Variants in SLC25A13 observed in about 807,000 individuals in gnomAD.
SLC25A13 encodes the protein electrogenic aspartate/glutamate antiporter SLC25A13, mitochondrial.
SLC25A13 carries 70 observed loss-of-function variants against 85.5 expected under a neutral mutation model. The ratio of observed to expected loss-of-function variants is 0.82; its 90% CI spans 0.68 to 1.00. The LOEUF (loss-of-function observed/expected upper bound fraction) is 1.00, where lower values mean the gene tolerates loss of function less well. Ranked by LOEUF, SLC25A13 falls within the 50% of genes least tolerant of loss-of-function variation. SLC25A13 has a pLI of 0.00. For missense variants in SLC25A13, 765 were observed against 819.8 expected (o/e 0.93, Z 0.82); for synonymous variants, 259 against 288.7 (o/e 0.90, Z 1.04).
At chr7:96,316,175 G>A (rs947296881) in intron 1 of SLC25A13, among the ~76,000 whole-genome samples, 1 of 151,974 alleles carries the variant, frequency 6.6e-6, no homozygotes, top group Non-Finnish European at 1.5e-5. Context: ...CTGGATTAAA[G>A]GTATATGACA....
At chr7:96,155,778 T>C (rs764961736) in intron 13 of SLC25A13, among the ~76,000 whole-genome samples, 2 of 152,214 alleles carry the variant, frequency 1.3e-5, no homozygotes, top group East Asian at 1.9e-4. Flanking sequence ...ACTTCTGATG[T>C]AGGAGGCACT....
chr7:96,262,563 AAGTGTGGGTATG>A, intron 3 of SLC25A13, among the ~76,000 whole-genome samples: 1 of 152,084 alleles, frequency 6.6e-6, no homozygotes, highest in South Asian at 2.1e-4. Flanking sequence ...AGTTTTTCAT[AAGTGTGGGTATG>A]GGTGACGAAG....
At chr7:96,130,660 C>T (rs1028870040) in intron 15 of SLC25A13, among the ~76,000 whole-genome samples, 1 of 152,118 alleles carries the variant, frequency 6.6e-6, no homozygotes, top group African/African-American at 2.4e-5. Flanking sequence ...ATATAGGCCA[C>T]CATGAGTCAA....
chr7:96,234,157 C>T (rs1471215633), intron 4 of SLC25A13, among the ~76,000 whole-genome samples: 1 of 152,260 alleles, frequency 6.6e-6, no homozygotes, highest in Non-Finnish European at 1.5e-5. Flanking sequence ...TGTCCCACCA[C>T]TTCCAAGCCT....
intron 1 of SLC25A13, among the ~76,000 whole-genome samples, chr7:96,297,643 T>C (rs933845096): frequency 2.0e-5 from 3 of 152,124 alleles, no homozygotes; most frequent in Admixed American, 1.3e-4. Context: ...CAAGAGAACA[T>C]ATTTCTTAAA....
chr7:96,235,229 A>G (rs962887023), intron 3 of SLC25A13, among the ~76,000 whole-genome samples: 1 of 152,200 alleles, frequency 6.6e-6, no homozygotes, highest in Admixed American at 6.5e-5. Flanking sequence ...GTTCTATAAT[A>G]AAAGTGCAGA....
chr7:96,215,517 T>C (rs994186160), intron 4 of SLC25A13, among the ~76,000 whole-genome samples: 24 of 152,156 alleles, frequency 1.6e-4, no homozygotes, highest in African/African-American at 5.1e-4. Flanking sequence ...CTCACATTTA[T>C]AGTCAATTGA....
intron 4 of SLC25A13, among the ~76,000 whole-genome samples, chr7:96,232,656 A>C (rs2116807667): frequency 6.6e-6 from 1 of 151,742 alleles, no homozygotes; most frequent in Admixed American, 6.5e-5. Context: ...ATGAAAAAAA[A>C]AAAAAAAAAC....
At position 96,146,198 on chromosome 7, in the gene SLC25A13, G is replaced by A. The variant is rs945400586; in HGVS notation, c.1452+358C>T. 2.6e-5 allele frequency among the ~76,000 whole-genome samples: 4 copies of A among 152,144 alleles called. No individual in the cohort carries two copies. In the South Asian group the frequency reaches 8.3e-4, roughly 32 times the overall value. ...AAACATGGATCGGACCATATGCATA[G>A]GATCAGAAAATAAATTATGATACAG... On this transcript the variant is annotated intron_variant, in intron 14 of 17. Transcript: ENST00000265631.
intron 13 of SLC25A13, among the ~76,000 whole-genome samples, chr7:96,163,762 A>C (rs879940587): frequency 4.6e-5 from 7 of 152,208 alleles, no homozygotes; most frequent in Non-Finnish European, 1.0e-4. Flanking sequence ...AGGTTCACAA[A>C]GAAGACCAGA....
At chr7:96,179,760 T>G (rs1794350004) in intron 11 of SLC25A13, among the ~76,000 whole-genome samples, 1 of 152,202 alleles carries the variant, frequency 6.6e-6, no homozygotes. Context: ...TGGACATGAG[T>G]GCAGTTCACA....
chr7:96,310,624 C>T (rs1332733873), intron 1 of SLC25A13, among the ~76,000 whole-genome samples: 2 of 152,196 alleles, frequency 1.3e-5, no homozygotes, highest in Non-Finnish European at 2.9e-5. Flanking sequence ...CTTCAGCATC[C>T]AATGATGATC....
chr7:96,169,260 C>T (rs933915585), intron 13 of SLC25A13, among the ~76,000 whole-genome samples: 2 of 152,118 alleles, frequency 1.3e-5, no homozygotes, highest in African/African-American at 4.8e-5. Flanking sequence ...CTACTTCCTG[C>T]CCAGAGTAAG....
At chr7:96,275,747 G>A (rs970377903) in intron 3 of SLC25A13, among the ~76,000 whole-genome samples, 8 of 152,022 alleles carry the variant, frequency 5.3e-5, no homozygotes, top group African/African-American at 1.9e-4. Flanking sequence ...GGGGTCGGGG[G>A]AGTGGGGAGG....
rs56882933 is a variant in SLC25A13 at position 96,223,789 on chromosome 7, GAA to G, written c.328+11011_328+11012del. ...GGCAACAGAGCGAGACTCCATCTCT[GAA>G]AAAAAAAAAAAAAAAAAAAAAAAAG... is the stretch of plus-strand genomic sequence containing the variant. On this transcript the variant is annotated intron_variant, in intron 4 of 17. Coordinates refer to ENST00000265631, the MANE Select transcript of SLC25A13 (RefSeq NM_014251.3). 2.1e-3 allele frequency among the ~76,000 whole-genome samples: 199 copies of G among 94,132 alleles called. 2 individuals are homozygous for G. Among genetic ancestry groups the G allele is most frequent in the African/African-American group, 4.2e-3 (106 of 25,362 alleles). 61.8% of individuals were successfully genotyped at this position (94,132 alleles called of 152,430 possible).
chr7:96,291,540 T>TA (rs1355602673), intron 2 of SLC25A13, among the ~76,000 whole-genome samples: 9 of 151,080 alleles, frequency 6.0e-5, no homozygotes, highest in African/African-American at 2.2e-4. Flanking sequence ...GCAAGACTAA[T>TA]AAAGAAGAAA....
At chr7:96,286,651 A>G (rs1798898728) in intron 2 of SLC25A13, among the ~76,000 whole-genome samples, 1 of 152,168 alleles carries the variant, frequency 6.6e-6, no homozygotes, top group Non-Finnish European at 1.5e-5. Flanking sequence ...GGTTTTTTAC[A>G]CTTACACACA....
At position 96,305,797 on chromosome 7, in the gene SLC25A13, GA is replaced by G. The variant is rs537150176; in HGVS notation, c.16-8847del. 7.7e-4 allele frequency among the ~76,000 whole-genome samples: 118 copies of G among 152,262 alleles called. 1 individual carries two copies. Among genetic ancestry groups the G allele is most frequent in the Non-Finnish European group, 1.3e-3 (90 of 68,012 alleles). ...AGGAAGAGGAAGCCAAAAATGAAAG[GA>G]CAATAAAGAAGTTGCTTCCATTAAA... On this transcript the variant is annotated intron_variant, in intron 1 of 17. Transcript: ENST00000265631.
chr7:96,187,211 T>A lies in SLC25A13; in HGVS notation c.933+2083A>T, dbSNP rs1794674582. On this transcript the variant is annotated intron_variant, in intron 9 of 17. Transcript: ENST00000265631. The stretch of plus-strand genomic sequence containing the variant: ...GCTTAATAAATACCTGTTGAATGAA[T>A]ACATACATTCAATAAAATTTGTTTT... 2.0e-5 allele frequency among the ~76,000 whole-genome samples: 3 copies of A among 152,220 alleles called. No individual in the cohort carries two copies. The South Asian group carries it at 6.2e-4, about 31-fold the overall frequency.
Sources: gnomAD v4.1 joint callset for allele counts (sites outside exome capture counted in the v4.1 genomes callset) on GRCh38, gnomAD v4.1.1 for gene constraint, MANE v1.5 for transcripts, NCBI Gene and HGNC (gene_info 2026-07-23, HGNC 2026-07-21) for gene names.